Variants in DLGAP2 observed in about 807,000 individuals in gnomAD.
DLGAP2 encodes DLG associated protein 2.
DLGAP2 carries 26 observed loss-of-function variants against 100.3 expected under a neutral mutation model. That is an observed-to-expected ratio of 0.26 (90% CI 0.19 to 0.36). The LOEUF (loss-of-function observed/expected upper bound fraction) is 0.36, where lower values mean the gene tolerates loss of function less well. Ranked by LOEUF, DLGAP2 falls within the 10% of genes least tolerant of loss-of-function variation. The pLI, the probability that DLGAP2 is intolerant of heterozygous loss-of-function variation, is 1.00. For missense variants in DLGAP2, 1,858 were observed against 1,453.2 expected (o/e 1.28, Z -4.53); for synonymous variants, 886 against 630.1 (o/e 1.41, Z -6.08).
intron 2 of DLGAP2, among the ~76,000 whole-genome samples, chr8:1,088,262 A>G (rs890238470): frequency 6.6e-6 from 1 of 152,012 alleles, no homozygotes. Context: ...TCATTAATGG[A>G]CTTTAGAGCT....
At chr8:1,058,697 T>G (rs768113256) in intron 2 of DLGAP2, among the ~76,000 whole-genome samples, 7 of 152,150 alleles carry the variant, frequency 4.6e-5, no homozygotes, top group Non-Finnish European at 1.0e-4. Context: ...TAAATTAGAG[T>G]TGTGGTTGTC....
intron 6 of DLGAP2, among the ~76,000 whole-genome samples, chr8:1,568,004 AC>A (rs1217037649): frequency 3.2e-5 from 4 of 123,238 alleles, no homozygotes; most frequent in African/African-American, 1.2e-4. Flanking sequence ...CTGCCCGTGG[AC>A]CCCCATGCCA....
chr8:821,252 G>A (rs1434313382), intron 1 of DLGAP2, among the ~76,000 whole-genome samples: 1 of 152,172 alleles, frequency 6.6e-6, no homozygotes, highest in African/African-American at 2.4e-5. Context: ...AGCAGGCAAT[G>A]TTCAGCAGCC....
At chr8:1,317,199 C>T (rs1361522786) in intron 3 of DLGAP2, among the ~76,000 whole-genome samples, 1 of 135,828 alleles carries the variant, frequency 7.4e-6, no homozygotes, top group African/African-American at 2.9e-5. Flanking sequence ...AGCGTCTCTC[C>T]AACAGTGGTC....
chr8:837,339 C>G (rs1020324433), intron 1 of DLGAP2, among the ~76,000 whole-genome samples: 1 of 152,184 alleles, frequency 6.6e-6, no homozygotes, highest in Non-Finnish European at 1.5e-5. Context: ...TCTTTGTGTT[C>G]CAGCCACTTT....
At chr8:1,554,040 C>T (rs759073521) in intron 5 of DLGAP2, among the ~76,000 whole-genome samples, 2 of 152,202 alleles carry the variant, frequency 1.3e-5, no homozygotes, top group Non-Finnish European at 2.9e-5. Flanking sequence ...GTCATCCTAG[C>T]ACTTTGGGAG....
At chr8:1,362,154 G>A (rs187548493) in intron 3 of DLGAP2, among the ~76,000 whole-genome samples, 24 of 152,312 alleles carry the variant, frequency 1.6e-4, no homozygotes, top group African/African-American at 3.9e-4. Flanking sequence ...TGAGGCATCC[G>A]CAGCGCCGTC....
At position 1,434,063 on chromosome 8, in the gene DLGAP2, C is replaced by T. The variant is rs565967483; in HGVS notation, c.107-67303C>T. On this transcript the variant is annotated intron_variant, in intron 3 of 14. Transcript: ENST00000637795. ...TGTTTTTGCGAAGTCCCAGAAATGG[C>T]GCTGAATGAGGCTCTGTGCTATGGG... 9.2e-5 allele frequency among the ~76,000 whole-genome samples: 14 copies of T among 152,256 alleles called. No homozygotes were observed. In the South Asian group the frequency reaches 1.2e-3, roughly 14 times the overall value.
chr8:1,543,373 G>T (rs949153149), intron 4 of DLGAP2, among the ~76,000 whole-genome samples: 1 of 152,178 alleles, frequency 6.6e-6, no homozygotes, highest in African/African-American at 2.4e-5. Flanking sequence ...TGCAGATTTT[G>T]TAAGATGGGG....
intron 3 of DLGAP2, among the ~76,000 whole-genome samples, chr8:1,382,358 G>C (rs1179970207): frequency 6.6e-6 from 1 of 152,240 alleles, no homozygotes; most frequent in Non-Finnish European, 1.5e-5. Flanking sequence ...TGGCAGAGGA[G>C]GAAGAAGATC....
intron 4 of DLGAP2, among the ~76,000 whole-genome samples, chr8:1,537,367 G>T (rs949923784): frequency 6.6e-6 from 1 of 152,054 alleles, no homozygotes; most frequent in East Asian, 1.9e-4. Context: ...AGGAAAATGG[G>T]GAGGCCATGA....
intron 2 of DLGAP2, among the ~76,000 whole-genome samples, chr8:1,085,043 G>A (rs1209624528): frequency 1.3e-5 from 2 of 152,164 alleles, no homozygotes; most frequent in African/African-American, 4.8e-5. Flanking sequence ...TTTGTCTTTT[G>A]GATAATAGCC....
At position 1,508,860 on chromosome 8, in the gene DLGAP2, C is replaced by T. The variant is rs186392634; in HGVS notation, c.172+7429C>T. 6.6e-5 allele frequency among the ~76,000 whole-genome samples: 10 copies of T among 151,784 alleles called. No homozygotes were observed. In the East Asian group the frequency reaches 1.6e-3, roughly 24 times the overall value. On this transcript the variant is annotated intron_variant, in intron 4 of 14. Transcript: ENST00000637795. ...GGGCTCCGGGGATTCGTAGGATCTC[C>T]AGAGGGGATCATTTGTAGTTAAGGA...
rs1799625227 is a variant in DLGAP2 at position 1,703,363 on chromosome 8, G to C, written c.*1957G>C. 6.6e-6 allele frequency: 1 copy of C among 152,178 alleles called. No individual in the cohort carries two copies. Among genetic ancestry groups the C allele is most frequent in the African/African-American group, 2.4e-5 (1 of 41,280 alleles). The allele number at this position is 152,178 out of a possible 1,614,324, so 9.4% of individuals were successfully genotyped here. A position where few individuals can be genotyped will look rare whatever the true frequency, so the allele number is the denominator to read the frequency against. ...AATCCTATTTCCCCAGAGTGTTCAA[G>C]GCATTTTTCTACCTAAATGAATACC... On this transcript the variant is annotated 3_prime_UTR_variant, in exon 15 of 15. Transcript: ENST00000637795.
intron 2 of DLGAP2, among the ~76,000 whole-genome samples, chr8:1,224,053 C>T (rs960048488): frequency 2.0e-5 from 3 of 152,242 alleles, no homozygotes; most frequent in African/African-American, 4.8e-5. Context: ...TGAATCAAAA[C>T]GATATTCTTT....
intron 1 of DLGAP2, among the ~76,000 whole-genome samples, chr8:860,269 C>G (rs1357258403): frequency 6.6e-6 from 1 of 152,160 alleles, no homozygotes; most frequent in Non-Finnish European, 1.5e-5. Flanking sequence ...TTTGGGATGA[C>G]ACCCCGGGTT....
intron 2 of DLGAP2, among the ~76,000 whole-genome samples, chr8:1,154,915 G>A (rs930220826): frequency 2.6e-5 from 4 of 152,214 alleles, no homozygotes; most frequent in Admixed American, 2.0e-4. Context: ...TCGGCCTACA[G>A]GAACCATGTC....
At position 1,287,157 on chromosome 8, in the gene DLGAP2, T is replaced by TGTGTGC. The variant is rs1315463950; in HGVS notation, c.106+28275_106+28276insTGTGCG. ...GTGTGTGTGTGTGTGTGTGTGTGTG[T>TGTGTGC]GCGCGCGCGCGCGTGGTTCTGTTAG... is the stretch of plus-strand genomic sequence containing the variant. On this transcript the variant is annotated intron_variant, in intron 3 of 14. Transcript: ENST00000637795. Among the ~76,000 whole-genome samples the TGTGTGC allele has an allele frequency of 2.2e-3, 218 of 99,500 alleles. 5 individuals are homozygous for TGTGTGC. The highest frequency in any genetic ancestry group is 9.7e-3 in the East Asian group (28 of 2,876). 65.3% of individuals were successfully genotyped at this position (99,500 alleles called of 152,430 possible).
intron 2 of DLGAP2, among the ~76,000 whole-genome samples, chr8:1,162,347 G>C (rs1017301883): frequency 6.6e-6 from 1 of 152,330 alleles, no homozygotes; most frequent in Non-Finnish European, 1.5e-5. Context: ...TTGAGCAGTG[G>C]CTGAAACAAC....
Sources: gnomAD v4.1 joint callset for allele counts (sites outside exome capture counted in the v4.1 genomes callset) on GRCh38, gnomAD v4.1.1 for gene constraint, MANE v1.5 for transcripts, NCBI Gene and HGNC (gene_info 2026-07-23, HGNC 2026-07-21) for gene names.